The following SKIC3 variants were observed in gnomAD, a reference collection of about 807,000 sequenced individuals.
SKIC3 encodes SKI3 subunit of superkiller complex, also known as superkiller complex protein 3.
the SKIC3 span, among the ~76,000 whole-genome samples, chr5:95,490,504 A>AAAAATATACATATATATATATATATG: frequency 1.4e-4 from 20 of 144,252 alleles, no homozygotes; most frequent in Admixed American, 1.0e-3. Context: ...ATATATATAT[A>AAAAATATACATATATATATATATATG]TTTTTTTTTT....
the SKIC3 span, chr5:95,509,522 C>T: frequency 8.6e-7 from 1 of 1,159,902 alleles, no homozygotes; most frequent in South Asian, 1.3e-5. Context: ...AACGCACAGG[C>T]CAGTCAGAGA....
At chr5:95,527,814 A>G in the SKIC3 span, among the ~76,000 whole-genome samples, 3 of 152,250 alleles carry the variant, frequency 2.0e-5, no homozygotes, top group Non-Finnish European at 2.9e-5. Flanking sequence ...GATGAGTACT[A>G]TAAGTCCTTA....
At chr5:95,464,817 T>A in the SKIC3 span, 1 of 692,086 alleles carries the variant, frequency 1.4e-6, no homozygotes, top group Non-Finnish European at 2.6e-6. Flanking sequence ...AAAGTGACTC[T>A]GTGCAATCTT....
the SKIC3 span, chr5:95,530,233 G>T: frequency 6.2e-7 from 1 of 1,612,656 alleles, no homozygotes; most frequent in Non-Finnish European, 8.5e-7. Context: ...AGATTTCCTG[G>T]AATTAAAAGG....
the SKIC3 span, among the ~76,000 whole-genome samples, chr5:95,508,265 A>T: frequency 6.6e-6 from 1 of 152,214 alleles, no homozygotes; most frequent in Admixed American, 6.5e-5. Context: ...ATTTAGATTT[A>T]GGGCAATAAT....
At chr5:95,551,961 CAG>C in the SKIC3 span, among the ~76,000 whole-genome samples, 2 of 152,052 alleles carry the variant, frequency 1.3e-5, no homozygotes, top group Non-Finnish European at 2.9e-5. Context: ...TGTGATAACT[CAG>C]TGTTAAAAAT....
the SKIC3 span, among the ~76,000 whole-genome samples, chr5:95,501,341 T>C: frequency 6.6e-6 from 1 of 152,166 alleles, no homozygotes; most frequent in African/African-American, 2.4e-5. Flanking sequence ...TTACACATGG[T>C]TACTTATTAT....
At chr5:95,478,987 ATTGTAT>A in the SKIC3 span, among the ~76,000 whole-genome samples, 1 of 152,186 alleles carries the variant, frequency 6.6e-6, no homozygotes, top group Non-Finnish European at 1.5e-5. Flanking sequence ...CACTTTTGAC[ATTGTAT>A]TAAAGGTTCC....
the SKIC3 span, chr5:95,512,873 G>C: frequency 2.4e-6 from 1 of 424,172 alleles, no homozygotes; most frequent in Non-Finnish European, 4.2e-6. Flanking sequence ...TTGCCTGATG[G>C]GCTGGCTTTC....
the SKIC3 span, among the ~76,000 whole-genome samples, chr5:95,546,339 G>GAAAAAAAAAAAA: frequency 7.0e-5 from 4 of 57,484 alleles, no homozygotes; most frequent in South Asian, 5.3e-4. Context: ...CCCACCATGA[G>GAAAAAAAAAAAA]AAAAAAAAAA....
At chr5:95,544,333 A>C in the SKIC3 span, among the ~76,000 whole-genome samples, 1 of 152,296 alleles carries the variant, frequency 6.6e-6, no homozygotes, top group African/African-American at 2.4e-5. Flanking sequence ...CCATGACTCT[A>C]AGTCTAGTTT....
the SKIC3 span, among the ~76,000 whole-genome samples, chr5:95,510,379 C>T: frequency 5.3e-5 from 8 of 152,202 alleles, no homozygotes; most frequent in Non-Finnish European, 2.9e-5. Context: ...AACAAACCCC[C>T]TTCTTGCCTA....
the SKIC3 span, among the ~76,000 whole-genome samples, chr5:95,526,789 C>A: frequency 6.6e-6 from 1 of 152,058 alleles, no homozygotes; most frequent in Non-Finnish European, 1.5e-5. Flanking sequence ...ATGTTAGTAG[C>A]CATTAACCCT....
At chr5:95,530,288 C>T in the SKIC3 span, 1 of 1,590,034 alleles carries the variant, frequency 6.3e-7, no homozygotes, top group African/African-American at 1.3e-5. Context: ...ATGCCCAAAC[C>T]CATATTCTTA....
the SKIC3 span, chr5:95,547,256 C>T: frequency 4.4e-6 from 4 of 899,372 alleles, no homozygotes; most frequent in Non-Finnish European, 7.2e-6. Context: ...AAGGAAAAGA[C>T]TCCTTCTCTC....
chr5:95,505,589 G>A, the SKIC3 span, among the ~76,000 whole-genome samples: 1 of 151,994 alleles, frequency 6.6e-6, no homozygotes, highest in Non-Finnish European at 1.5e-5. Context: ...CAAGGCGGGC[G>A]AATCACGAGG....
At chr5:95,499,162 AC>A in the SKIC3 span, among the ~76,000 whole-genome samples, 1 of 152,194 alleles carries the variant, frequency 6.6e-6, no homozygotes, top group Non-Finnish European at 1.5e-5. Flanking sequence ...TATGGTTTGG[AC>A]CTGTGTCTCT....
At chr5:95,539,065 G>A in the SKIC3 span, among the ~76,000 whole-genome samples, 1 of 152,086 alleles carries the variant, frequency 6.6e-6, no homozygotes, top group South Asian at 2.1e-4. Context: ...TGAGACTACA[G>A]GCCAATAATT....
At chr5:95,532,777 T>G in the SKIC3 span, among the ~76,000 whole-genome samples, 2 of 152,138 alleles carry the variant, frequency 1.3e-5, no homozygotes, top group Non-Finnish European at 2.9e-5. Context: ...GATTTGGGGC[T>G]GATGAATGCT....
Sources: allele counts gnomAD v4.1 joint callset (sites outside exome capture counted in the v4.1 genomes callset), GRCh38; gene constraint gnomAD v4.1.1; transcripts MANE v1.5; gene names NCBI Gene and HGNC (gene_info 2026-07-23, HGNC 2026-07-21).